CYFIP1: variants seen among roughly 807,000 people sequenced by gnomAD.
CYFIP1 encodes cytoplasmic FMR1 interacting protein 1, also known as cytoplasmic FMR1-interacting protein 1.
In CYFIP1, 58 loss-of-function variants were observed where a neutral mutation model predicts 163.5. That is an observed-to-expected ratio of 0.35 (90% CI 0.29 to 0.44). The LOEUF (loss-of-function observed/expected upper bound fraction) is 0.44, where lower values mean the gene tolerates loss of function less well. Ranked by LOEUF, CYFIP1 falls within the 20% of genes least tolerant of loss-of-function variation. CYFIP1 has a pLI of 1.00. For missense variants in CYFIP1, 1,338 were observed against 1,653.8 expected, an observed-to-expected ratio of 0.81 and a Z score of 3.31; for synonymous variants, 663 against 660.7, an observed-to-expected ratio of 1.00 and a Z score of -0.05.
intron 16 of CYFIP1, among the ~76,000 whole-genome samples, chr15:22,915,839 G>A (rs1391919036): frequency 1.3e-5 from 2 of 152,130 alleles, no homozygotes; most frequent in Non-Finnish European, 2.9e-5. Flanking sequence ...GCACACTCAG[G>A]GAGGTCTGTC....
chr15:22,967,835 T>C (rs990896834), intron 1 of CYFIP1, among the ~76,000 whole-genome samples: 1 of 152,166 alleles, frequency 6.6e-6, no homozygotes, highest in African/African-American at 2.4e-5. Flanking sequence ...CAGGAGTTCA[T>C]GACCAGCCTG....
intron 1 of CYFIP1, among the ~76,000 whole-genome samples, chr15:22,977,879 G>T (rs191742242): frequency 1.3e-5 from 2 of 152,004 alleles, no homozygotes; most frequent in East Asian, 3.9e-4. Context: ...AGAAAACAAA[G>T]GAGGGAGGGA....
chr15:22,908,299 G>A (rs1230389797), intron 21 of CYFIP1, among the ~76,000 whole-genome samples: 1 of 152,020 alleles, frequency 6.6e-6, no homozygotes, highest in Non-Finnish European at 1.5e-5. Flanking sequence ...TAGGCTCCGT[G>A]AGACAGCCGA....
At chr15:22,940,688 T>C (rs2166257) in intron 6 of CYFIP1, among the ~76,000 whole-genome samples, 138,555 of 152,318 alleles carry the variant, frequency 0.91, 63,097 homozygotes, top group African/African-American at 0.95. Flanking sequence ...GGGCTTTAAA[T>C]AATTGCATAC....
At chr15:22,966,071 G>A (rs951211799) in intron 1 of CYFIP1, among the ~76,000 whole-genome samples, 3 of 151,974 alleles carry the variant, frequency 2.0e-5, no homozygotes, top group Non-Finnish European at 2.9e-5. Flanking sequence ...AGATTAGGTC[G>A]GGTGCAGTGG....
Position 22,939,394 on chromosome 15 carries a change from G to A in CYFIP1, c.666+17C>T. The A allele has an allele frequency of 6.2e-7, 1 of 1,613,766 alleles. No homozygotes were observed. The highest frequency in any genetic ancestry group is 8.5e-7 in the Non-Finnish European group (1 of 1,179,874). ...CTGCTTGGCCCATCAACCTGAGTGT[G>A]CAAACACCAGCCTTACCTGTGTGAT... On this transcript the variant is annotated intron_variant, in intron 7 of 30. Coordinates refer to ENST00000617928, the MANE Select transcript of CYFIP1 (RefSeq NM_014608.6).
chr15:22,955,112 G>A (rs2062399275), intron 1 of CYFIP1, among the ~76,000 whole-genome samples: 1 of 152,208 alleles, frequency 6.6e-6, no homozygotes, highest in African/African-American at 2.4e-5. Context: ...CCACTTGAAG[G>A]GCAGTGCCTA....
chr15:22,944,515 A>C, intron 5 of CYFIP1, 43 bp downstream of exon 5: 2 of 1,354,900 alleles, frequency 1.5e-6, no homozygotes, highest in Non-Finnish European at 2.1e-6. Context: ...TCAGCAACCC[A>C]CCCCTCGGTG....
chr15:22,937,803 C>T (rs1329926111), intron 8 of CYFIP1, among the ~76,000 whole-genome samples: 2 of 151,998 alleles, frequency 1.3e-5, no homozygotes, highest in Non-Finnish European at 2.9e-5. Flanking sequence ...TGGGGTTTCA[C>T]CATGTTGGTC....
At position 22,962,392 on chromosome 15, in the gene CYFIP1, CTTTT is replaced by C. The variant is rs963136147; in HGVS notation, c.-6-15105_-6-15102del. On this transcript the variant is annotated intron_variant, in intron 1 of 30. Coordinates refer to ENST00000617928, the MANE Select transcript of CYFIP1 (RefSeq NM_014608.6). ...TAAACTGTATCTCATCTATATTCTT[CTTTT>C]TTTTCTTTTTTTTTTTCTTGAGACG... 2.6e-3 allele frequency among the ~76,000 whole-genome samples: 346 copies of C among 133,580 alleles called. 6 individuals are homozygous for C. The highest frequency in any genetic ancestry group is 9.3e-3 in the African/African-American group (327 of 35,192). The allele number at this position is 133,580 out of a possible 152,430, so 87.6% of individuals were successfully genotyped here.
At chr15:22,962,440 C>T (rs1037047297) in intron 1 of CYFIP1, among the ~76,000 whole-genome samples, 2 of 151,054 alleles carry the variant, frequency 1.3e-5, no homozygotes, top group African/African-American at 4.9e-5. Context: ...CTCTTGTTGC[C>T]CACGCTGGAA....
At chr15:22,903,582 T>G in intron 22 of CYFIP1, 124 bp downstream of exon 22, 7 of 1,016,444 alleles carry the variant, frequency 6.9e-6, no homozygotes, top group African/African-American at 1.6e-5. Context: ...GTGCTCTTCA[T>G]GTGAGAAGTG....
rs1413560468 is a variant in CYFIP1 at position 22,868,346 on chromosome 15, A to C, written c.*1682T>G. The C allele has an allele frequency of 1.3e-5, 2 of 151,366 alleles. No homozygotes were observed. The highest frequency in any genetic ancestry group is 4.8e-5 in the African/African-American group (2 of 41,272). The allele number at this position is 151,366 out of a possible 1,614,324, so 9.4% of individuals were successfully genotyped here. On this transcript the variant is annotated 3_prime_UTR_variant, in exon 31 of 31. Transcript: ENST00000617928. ...CCCTTGAGGACAGAGACTCATTTGAACATGCATAGGTTAATAAATAATAAA... is the reference window on the plus strand; with the variant it reads ...CCCTTGAGGACAGAGACTCATTTGACCATGCATAGGTTAATAAATAATAAA...
At chr15:22,944,323 A>G (rs907216157) in intron 5 of CYFIP1, among the ~76,000 whole-genome samples, 1 of 152,148 alleles carries the variant, frequency 6.6e-6, no homozygotes, top group African/African-American at 2.4e-5. Flanking sequence ...GGCTCCATGA[A>G]GGAAACATAA....
intron 23 of CYFIP1, 120 bp downstream of exon 23, chr15:22,892,770 A>G: frequency 1.4e-6 from 1 of 725,252 alleles, no homozygotes; most frequent in Non-Finnish European, 2.3e-6. Flanking sequence ...GAAAAAAAAA[A>G]TAACATTTTA....
chr15:22,910,933 G>T lies in CYFIP1; in HGVS notation c.2083-120C>A, dbSNP rs148125431. 4.6e-6 allele frequency: 4 copies of T among 869,906 alleles called. No homozygotes were observed. The South Asian group carries it at 6.4e-5, about 14-fold the overall frequency. The allele number at this position is 869,906 out of a possible 1,614,324, so 53.9% of individuals were successfully genotyped here. A position where few individuals can be genotyped will look rare whatever the true frequency, so the allele number is the denominator to read the frequency against. ...TGAGGCTCTTTTATTTTTTTGAGAC[G>T]GAGTCTTGCTCTGTTGCCCAGGCTG... On this transcript the variant is annotated intron_variant, in intron 18 of 30. Coordinates refer to ENST00000617928, the MANE Select transcript of CYFIP1 (RefSeq NM_014608.6).
intron 13 of CYFIP1, among the ~76,000 whole-genome samples, chr15:22,921,691 G>A (rs1057105961): frequency 4.6e-5 from 7 of 150,730 alleles, no homozygotes; most frequent in Admixed American, 3.3e-4. Context: ...GCTTGAACCC[G>A]GGAGGTGAAG....
At chr15:22,927,516 G>C (rs913018855) in intron 12 of CYFIP1, among the ~76,000 whole-genome samples, 1 of 149,294 alleles carries the variant, frequency 6.7e-6, no homozygotes, top group Non-Finnish European at 1.5e-5. Flanking sequence ...AATTAGCCGG[G>C]AGCCGTGGTG....
intron 21 of CYFIP1, chr15:22,905,446 T>A (rs1450622568): frequency 1.3e-5 from 2 of 152,016 alleles, no homozygotes; most frequent in Admixed American, 1.3e-4. Context: ...AAATCCTTTT[T>A]CTGCTTTAAT....
Sources: gnomAD v4.1 joint callset for allele counts (sites outside exome capture counted in the v4.1 genomes callset) on GRCh38, gnomAD v4.1.1 for gene constraint, MANE v1.5 for transcripts, NCBI Gene and HGNC (gene_info 2026-07-23, HGNC 2026-07-21) for gene names.